The following DTNA variants were observed in gnomAD, a reference collection of about 807,000 sequenced individuals.
DTNA encodes the protein dystrophin-related protein 3.
In DTNA, 43 loss-of-function variants were observed where a neutral mutation model predicts 100.7. That is an observed-to-expected ratio of 0.43 (90% CI 0.33 to 0.55). The LOEUF (loss-of-function observed/expected upper bound fraction) is 0.55, where lower values mean the gene tolerates loss of function less well. Among genes scored for constraint, DTNA ranks in the 20% least tolerant of loss-of-function variants. DTNA has a pLI of 0.04. For synonymous variants in DTNA, 349 were observed against 347.9 expected, an observed-to-expected ratio of 1.00 and a Z score of -0.04; for missense variants, 798 against 953.9, an observed-to-expected ratio of 0.84 and a Z score of 2.15.
intron 1 of DTNA, among the ~76,000 whole-genome samples, chr18:34,691,007 A>C (rs2079667088): frequency 6.6e-6 from 1 of 152,174 alleles, no homozygotes; most frequent in African/African-American, 2.4e-5. Flanking sequence ...GAAGGTGAAA[A>C]TTCAAGTCCA....
At chr18:34,724,750 A>G (rs1166449976) in intron 1 of DTNA, among the ~76,000 whole-genome samples, 4 of 152,216 alleles carry the variant, frequency 2.6e-5, no homozygotes, top group Admixed American at 6.5e-5. Flanking sequence ...ATTGGAGGTC[A>G]CATTTCAGCA....
chr18:34,690,264 G>A (rs931991095), intron 1 of DTNA, among the ~76,000 whole-genome samples: 9 of 152,262 alleles, frequency 5.9e-5, no homozygotes, highest in African/African-American at 2.2e-4. Flanking sequence ...GAAACCCAGG[G>A]CCCTTGTGGC....
intron 16 of DTNA, among the ~76,000 whole-genome samples, chr18:34,863,116 C>A (rs2096650896): frequency 6.6e-6 from 1 of 152,190 alleles, no homozygotes; most frequent in Admixed American, 6.5e-5. Flanking sequence ...CAGTAATAAT[C>A]ATTCAGTAAT....
At chr18:34,625,928 C>A (rs562799388) in intron 1 of DTNA, among the ~76,000 whole-genome samples, 1 of 152,086 alleles carries the variant, frequency 6.6e-6, no homozygotes, top group Non-Finnish European at 1.5e-5. Context: ...CTTTGGGGAA[C>A]CTTGGAAGAA....
intron 1 of DTNA, among the ~76,000 whole-genome samples, chr18:34,712,642 A>G (rs1357278456): frequency 1.3e-5 from 2 of 152,120 alleles, no homozygotes; most frequent in South Asian, 2.1e-4. Flanking sequence ...TTGACTTTTG[A>G]TGTACTTGCT....
At chr18:34,765,037 G>A (rs1210102807) in intron 2 of DTNA, among the ~76,000 whole-genome samples, 1 of 152,192 alleles carries the variant, frequency 6.6e-6, no homozygotes, top group East Asian at 1.9e-4. Context: ...AGGGTATTGA[G>A]ATGAGACTGA....
chr18:34,667,852 C>T (rs1431895584), intron 1 of DTNA, among the ~76,000 whole-genome samples: 12 of 152,088 alleles, frequency 7.9e-5, no homozygotes, highest in Non-Finnish European at 1.3e-4. Flanking sequence ...ATTTTTGCAT[C>T]GATGTTCATC....
At chr18:34,823,062 G>A (rs2095765627) in intron 9 of DTNA, among the ~76,000 whole-genome samples, 1 of 152,010 alleles carries the variant, frequency 6.6e-6, no homozygotes, top group African/African-American at 2.4e-5. Flanking sequence ...TCTATTTTTA[G>A]CCATAGAAAT....
chr18:34,681,692 CACA>C (rs1418919474), intron 1 of DTNA, among the ~76,000 whole-genome samples: 6 of 142,176 alleles, frequency 4.2e-5, no homozygotes, highest in Non-Finnish European at 9.2e-5. Context: ...TCCCCCTATA[CACA>C]ACACACACAC....
chr18:34,634,740 A>G (rs985150641), intron 1 of DTNA, among the ~76,000 whole-genome samples: 4 of 152,216 alleles, frequency 2.6e-5, no homozygotes, highest in Non-Finnish European at 5.9e-5. Flanking sequence ...TACTATATAC[A>G]AAATGTTGTT....
intron 1 of DTNA, among the ~76,000 whole-genome samples, chr18:34,538,468 C>G (rs954343943): frequency 6.6e-6 from 1 of 152,012 alleles, no homozygotes; most frequent in Non-Finnish European, 1.5e-5. Context: ...CTTAAATATT[C>G]ACAGTGGAGT....
At chr18:34,747,145 T>C (rs1345515699) in intron 1 of DTNA, among the ~76,000 whole-genome samples, 2 of 151,592 alleles carry the variant, frequency 1.3e-5, no homozygotes, top group African/African-American at 4.9e-5. Flanking sequence ...TATATTCCTC[T>C]AAAAGAAATA....
chr18:34,576,631 A>G (rs1205713726), intron 1 of DTNA, among the ~76,000 whole-genome samples: 1 of 151,860 alleles, frequency 6.6e-6, no homozygotes, highest in Admixed American at 6.6e-5. Flanking sequence ...GCTAATTTTT[A>G]TATTTGTAGT....
intron 8 of DTNA, among the ~76,000 whole-genome samples, chr18:34,819,646 C>T (rs2095664935): frequency 6.6e-6 from 1 of 152,080 alleles, no homozygotes; most frequent in Non-Finnish European, 1.5e-5. Context: ...GGGTTGTAGA[C>T]CTAACATTAT....
chr18:34,743,318 G>A (rs1041621179), intron 1 of DTNA, among the ~76,000 whole-genome samples: 2 of 152,032 alleles, frequency 1.3e-5, no homozygotes, highest in Admixed American at 6.6e-5. Flanking sequence ...GGCCTATTTA[G>A]TTTTGGCATC....
intron 9 of DTNA, chr18:34,825,371 A>G: frequency 6.8e-7 from 1 of 1,469,858 alleles, no homozygotes; most frequent in Non-Finnish European, 9.5e-7. Context: ...ATATGAGGCT[A>G]GTTTAGAACT....
chr18:34,517,938 A>T (rs951870742), intron 1 of DTNA, among the ~76,000 whole-genome samples: 4 of 152,122 alleles, frequency 2.6e-5, no homozygotes, highest in African/African-American at 9.7e-5. Flanking sequence ...GTGAAAGTAA[A>T]CTTTCATTTC....
intron 1 of DTNA, among the ~76,000 whole-genome samples, chr18:34,702,757 G>T (rs73416460): frequency 0.08 from 12,101 of 151,990 alleles, 606 homozygotes; most frequent in African/African-American, 0.12. Flanking sequence ...TCCAGACTAA[G>T]CTATATATAA....
Position 34,788,057 on chromosome 18 carries a change from A to G in DTNA, c.149-5980A>G, listed in dbSNP as rs552409312. 9.6e-4 allele frequency among the ~76,000 whole-genome samples: 146 copies of G among 152,204 alleles called. 1 individual carries two copies. Among genetic ancestry groups the G allele is most frequent in the Non-Finnish European group, 1.8e-3 (124 of 68,038 alleles). ...CTGTATAGATGAGGGAATTCCTCCT[A>G]TCTCCTGTGCCTAGTAGCAGGTGCT... On this transcript the variant is annotated intron_variant, in intron 3 of 22. Transcript: ENST00000444659.
Sources: allele counts gnomAD v4.1 joint callset (sites outside exome capture counted in the v4.1 genomes callset), GRCh38; gene constraint gnomAD v4.1.1; transcripts MANE v1.5; gene names NCBI Gene and HGNC (gene_info 2026-07-23, HGNC 2026-07-21).